Variants in MAK observed in about 807,000 individuals in gnomAD.
The protein encoded by MAK is serine/threonine-protein kinase MAK.
Under a neutral mutation model 82.6 loss-of-function variants are expected in MAK, and 65 were observed. The observed-to-expected ratio is 0.79, with a 90% confidence interval of 0.64 to 0.97. MAK has a LOEUF of 0.97. Ranked by LOEUF, MAK falls within the 50% of genes least tolerant of loss-of-function variation. MAK has a pLI of 0.00. For missense variants in MAK, 703 were observed against 780.2 expected (o/e 0.90, Z 1.18); for synonymous variants, 250 against 274.2 (o/e 0.91, Z 0.87).
At chr6:10,794,965 C>G (rs1775394135) in intron 9 of MAK, among the ~76,000 whole-genome samples, 1 of 151,452 alleles carries the variant, frequency 6.6e-6, no homozygotes, top group Non-Finnish European at 1.5e-5. Flanking sequence ...GCACTCCAGC[C>G]TGGGCAACAA....
rs1403016551 is a variant in MAK, at chr6:10,770,179, A to T, written c.1724T>A (p.Phe575Tyr). 6.2e-7 allele frequency: 1 copy of T among 1,614,186 alleles called. No homozygotes were observed. Among genetic ancestry groups the T allele is most frequent in the Admixed American group, 1.7e-5 (1 of 60,024 alleles). ...TYNQSGYIPS[F>Y]LKKEVQSAGQ... Reference sequence around the variant, plus strand: ...AGCTGACTGCACTTCTTTTTTGAGAAAGGAAGGAATATATCCTGACTGATT... The same window carrying T: ...AGCTGACTGCACTTCTTTTTTGAGATAGGAAGGAATATATCCTGACTGATT... The change falls in exon 14 of 15, where the codon TTT becomes TAT. Residue 575 changes from phenylalanine (F) to tyrosine (Y), a missense_variant. Transcript: ENST00000354489.
Position 10,764,321 on chromosome 6 carries a change from C to G in MAK, c.*131G>C. ...AGTAAAATAGGGGATGATTTTTGCC[C>G]TTCCAAGTACCCACTTTTGCATATT... On this transcript the variant is annotated 3_prime_UTR_variant, in exon 15 of 15. Transcript: ENST00000354489. 1.0e-6 allele frequency: 1 copy of G among 979,678 alleles called. No individual in the cohort carries two copies. Among genetic ancestry groups the G allele is most frequent in the Admixed American group, 2.7e-5 (1 of 37,722 alleles). 60.7% of individuals were successfully genotyped at this position (979,678 alleles called of 1,614,324 possible).
intron 2 of MAK, among the ~76,000 whole-genome samples, chr6:10,824,312 C>T (rs1020575439): frequency 1.3e-5 from 2 of 152,228 alleles, no homozygotes; most frequent in African/African-American, 4.8e-5. Context: ...GACCTAACAA[C>T]CTAACTTCAG....
intron 10 of MAK, among the ~76,000 whole-genome samples, chr6:10,788,776 A>G (rs1471555317): frequency 2.0e-5 from 3 of 152,160 alleles, no homozygotes; most frequent in Non-Finnish European, 4.4e-5. Flanking sequence ...AATCTCCCAT[A>G]TACTACATCA....
intron 14 of MAK, among the ~76,000 whole-genome samples, chr6:10,768,783 TAAA>T (rs1169800596): frequency 6.6e-6 from 1 of 152,052 alleles, no homozygotes; most frequent in Non-Finnish European, 1.5e-5. Context: ...AATAAAAAAA[TAAA>T]GAAGTCCAGG....
At chr6:10,817,129 A>AGAGT (rs1554184781) in intron 4 of MAK, among the ~76,000 whole-genome samples, 1 of 149,840 alleles carries the variant, frequency 6.7e-6, no homozygotes, top group Admixed American at 6.7e-5. Context: ...CTTGAGCGAG[A>AGAGT]GTGTGTGTGT....
At chr6:10,771,190 G>A (rs549003698) in intron 13 of MAK, among the ~76,000 whole-genome samples, 2 of 152,242 alleles carry the variant, frequency 1.3e-5, no homozygotes, top group Admixed American at 6.5e-5. Context: ...CAGAGGCACT[G>A]CGAATGTGCA....
chr6:10,797,318 G>C (rs1775647012), intron 8 of MAK, among the ~76,000 whole-genome samples: 1 of 152,158 alleles, frequency 6.6e-6, no homozygotes, highest in Admixed American at 6.5e-5. Context: ...TGTATGGGTG[G>C]CACCATCTAA....
intron 10 of MAK, among the ~76,000 whole-genome samples, chr6:10,789,078 G>T (rs1247642877): frequency 6.7e-6 from 1 of 150,306 alleles, no homozygotes. Flanking sequence ...AAAACCCATG[G>T]ATTAAACACA....
Position 10,818,925 on chromosome 6 carries a change from G to C in MAK, c.117C>G (p.Phe39Leu). Residue 39 changes from phenylalanine to leucine, a missense_variant, in exon 3 of 15, where the codon TTC becomes TTG. Coordinates refer to ENST00000354489, the MANE Select transcript of MAK (RefSeq NM_001242957.3). The stretch of plus-strand genomic sequence containing the variant: ...AGTTCATGCATTCATCCCAAGAATA[G>C]AACTTTCTCTTCATCCTAAAATAAA... ...LVAIKRMKRK[F>L]YSWDECMNLR... is the part of the protein sequence containing the mutation. 6.3e-7 allele frequency: 1 copy of C among 1,582,874 alleles called. No individual in the cohort carries two copies. Among genetic ancestry groups the C allele is most frequent in the Non-Finnish European group, 8.7e-7 (1 of 1,152,608 alleles).
intron 1 of MAK, chr6:10,837,884 G>T (rs1047918849): frequency 3.3e-5 from 5 of 152,326 alleles, no homozygotes; most frequent in Non-Finnish European, 5.9e-5. Flanking sequence ...GGAAGGAGGG[G>T]GCGTCCCCGG....
intron 7 of MAK, among the ~76,000 whole-genome samples, chr6:10,803,262 C>T (rs60129456): frequency 0.013 from 1,980 of 152,248 alleles, 43 homozygotes; most frequent in African/African-American, 0.044. Context: ...TACAGCCGGG[C>T]GTGGTGGCTC....
At chr6:10,775,093 C>T (rs1281913380) in intron 12 of MAK, among the ~76,000 whole-genome samples, 1 of 152,184 alleles carries the variant, frequency 6.6e-6, no homozygotes, top group Non-Finnish European at 1.5e-5. Context: ...GCTGGGATTA[C>T]AGGTGTGAAC....
At chr6:10,809,409 G>A (rs1045321871) in intron 5 of MAK, among the ~76,000 whole-genome samples, 4 of 152,168 alleles carry the variant, frequency 2.6e-5, no homozygotes, top group East Asian at 3.9e-4. Context: ...AGGCCAGAGC[G>A]TAGTGGCTCG....
At chr6:10,788,881 C>A (rs1163703626) in intron 10 of MAK, among the ~76,000 whole-genome samples, 1 of 152,092 alleles carries the variant, frequency 6.6e-6, no homozygotes, top group Non-Finnish European at 1.5e-5. Context: ...TATAATTTTT[C>A]ATCATAAATT....
chr6:10,780,673 T>G (rs906599605), intron 11 of MAK, among the ~76,000 whole-genome samples: 9 of 151,950 alleles, frequency 5.9e-5, no homozygotes, highest in African/African-American at 1.9e-4. Context: ...CAGGATGGTC[T>G]CAATCTCTTG....
chr6:10,791,927 CACTA>C, intron 9 of MAK, 80 bp from the exon 10 acceptor site: 1 of 1,409,092 alleles, frequency 7.1e-7, no homozygotes, highest in Non-Finnish European at 1.0e-6. Context: ...CTATGTAAGA[CACTA>C]ACAGTCCCCA....
In MAK at chr6:10,793,259, G is replaced by A. The variant is rs116604219; in HGVS notation, c.1144-1412C>T. Among the ~76,000 whole-genome samples, 1,635 of 152,220 alleles carry A rather than the reference G, an allele frequency of 0.011. 34 individuals are homozygous for A. The highest frequency in any genetic ancestry group is 0.036 in the African/African-American group (1,502 of 41,520). ...AGTGTATGTGGACTTCAGCCCAGTG[G>A]GTGAAGGCAGCAAAGGGGATCAGCA... is the stretch of plus-strand genomic sequence containing the variant. On this transcript the variant is annotated intron_variant, in intron 9 of 14. Coordinates refer to ENST00000354489, the MANE Select transcript of MAK (RefSeq NM_001242957.3). The surrounding 1 kb of genome is among the most constrained non-coding windows in gnomAD (Gnocchi z 4.6).
intron 4 of MAK, among the ~76,000 whole-genome samples, chr6:10,816,469 G>A (rs1777513116): frequency 6.6e-6 from 1 of 151,948 alleles, no homozygotes. Flanking sequence ...GATATTTCAT[G>A]TAAGTATATA....
Sources: allele counts gnomAD v4.1 joint callset (sites outside exome capture counted in the v4.1 genomes callset), GRCh38; gene constraint gnomAD v4.1.1; non-coding constraint Gnocchi (gnomAD v3.1); transcripts MANE v1.5; gene names NCBI Gene and HGNC (gene_info 2026-07-23, HGNC 2026-07-21).